Variants in MMP2 observed in about 807,000 individuals in gnomAD.
The protein encoded by MMP2 is 72 kDa type IV collagenase.
In MMP2, 39 loss-of-function variants were observed where a neutral mutation model predicts 74.8. The observed-to-expected ratio is 0.52, with a 90% CI of 0.40 to 0.68. The LOEUF is 0.68. Ranked by LOEUF, MMP2 falls within the 30% of genes least tolerant of loss-of-function variation. MMP2 has a pLI of 0.00. For synonymous variants in MMP2, 367 were observed against 339.8 expected, an observed-to-expected ratio of 1.08 and a Z score of -0.88; for missense variants, 803 against 878.3, an observed-to-expected ratio of 0.91 and a Z score of 1.08.
intron 11 of MMP2, among the ~76,000 whole-genome samples, chr16:55,499,819 G>C (rs1193062328): frequency 6.6e-6 from 1 of 152,168 alleles, no homozygotes; most frequent in Non-Finnish European, 1.5e-5. Flanking sequence ...TGAGGAAAGA[G>C]TGGTCGGGGC....
chr16:55,493,941 A>C (rs1489806247), intron 9 of MMP2, among the ~76,000 whole-genome samples: 2 of 152,160 alleles, frequency 1.3e-5, no homozygotes, highest in Non-Finnish European at 2.9e-5. Context: ...TTGACTAAAG[A>C]CTGAGGTTTA....
intron 11 of MMP2, 44 bp from the exon 12 acceptor site, chr16:55,502,735 C>T (rs757015443): frequency 3.2e-6 from 5 of 1,563,300 alleles, no homozygotes; most frequent in Non-Finnish European, 3.5e-6. Context: ...GGGAAGTGTC[C>T]TTTAGAGAGG....
At chr16:55,504,899 G>T (rs1205825457) in intron 12 of MMP2, among the ~76,000 whole-genome samples, 1 of 151,892 alleles carries the variant, frequency 6.6e-6, no homozygotes, top group Non-Finnish European at 1.5e-5. Context: ...TGATCTGCCC[G>T]TCTCGGCCTC....
Position 55,483,024 on chromosome 16 carries a change from A to G in MMP2, c.269A>G (p.Asp90Gly), listed in dbSNP as rs1178962252. The change falls in exon 2 of 13, where the codon GAC (aspartate) becomes GGC (glycine). Residue 90 changes from aspartate to glycine, a missense_variant. This residue lies in a region of MMP2 where 223 missense variants were observed against 232.8 expected (regional missense o/e 0.96). Transcript: ENST00000219070. ...FFGLPQTGDL[D>G]QNTIETMRKP... ...GGACTGCCCCAGACAGGTGATCTTG[A>G]CCAGAATACCATCGAGACCATGCGG... is the stretch of plus-strand genomic sequence containing the variant. The G allele has an allele frequency of 1.2e-6, 2 of 1,614,202 alleles. No individual in the cohort carries two copies. Among genetic ancestry groups the G allele is most frequent in the Non-Finnish European group, 1.7e-6 (2 of 1,180,034 alleles).
chr16:55,504,210 A>C (rs2142375656), intron 12 of MMP2, among the ~76,000 whole-genome samples: 1 of 152,272 alleles, frequency 6.6e-6, no homozygotes, highest in South Asian at 2.1e-4. Flanking sequence ...TAGATATTCT[A>C]GTTTTTTTAA....
At chr16:55,483,160 C>T in intron 2 of MMP2, 25 bp downstream of exon 2, 1 of 1,591,916 alleles carries the variant, frequency 6.3e-7, no homozygotes, top group Admixed American at 1.7e-5. Context: ...CTTGGGGAGG[C>T]AGGGCCATGG....
intron 1 of MMP2, 54 bp downstream of exon 1, chr16:55,479,686 A>G (rs1962047684): frequency 6.2e-7 from 1 of 1,610,364 alleles, no homozygotes; most frequent in African/African-American, 1.3e-5. Flanking sequence ...TTCGGAGGCA[A>G]AGGATGGGGG....
intron 8 of MMP2, among the ~76,000 whole-genome samples, chr16:55,492,251 C>T (rs749037877): frequency 5.9e-5 from 9 of 152,116 alleles, no homozygotes; most frequent in Non-Finnish European, 1.3e-4. Flanking sequence ...TGCAAGGTTA[C>T]ACAGGTTTGA....
intron 12 of MMP2, among the ~76,000 whole-genome samples, chr16:55,503,168 G>T (rs1171264857): frequency 2.0e-5 from 3 of 152,212 alleles, no homozygotes; most frequent in African/African-American, 7.2e-5. Flanking sequence ...AGGGGAGAAG[G>T]AACATGGGCT....
intron 11 of MMP2, among the ~76,000 whole-genome samples, chr16:55,500,521 A>ACACACACACACACACACG (rs1555493266): frequency 5.1e-4 from 78 of 151,834 alleles, no homozygotes; most frequent in African/African-American, 1.8e-3. Flanking sequence ...ACACACACAC[A>ACACACACACACACACACG]CACACACACA....
At chr16:55,480,638 C>G (rs540337321) in intron 1 of MMP2, 1 of 152,494 alleles carries the variant, frequency 6.6e-6, no homozygotes, top group African/African-American at 2.4e-5. Context: ...AGGGACCCAT[C>G]AAGATGTCCT....
At chr16:55,497,782 C>A (rs1418526049) in intron 10 of MMP2, among the ~76,000 whole-genome samples, 3 of 152,158 alleles carry the variant, frequency 2.0e-5, no homozygotes, top group African/African-American at 7.2e-5. Context: ...GCGATGCTCA[C>A]AAACCACTCA....
At chr16:55,481,192 T>C (rs1224724337) in intron 1 of MMP2, among the ~76,000 whole-genome samples, 1 of 152,200 alleles carries the variant, frequency 6.6e-6, no homozygotes, top group Non-Finnish European at 1.5e-5. Context: ...GGTTATTTCT[T>C]GATTATATGC....
At chr16:55,479,709 T>A in intron 1 of MMP2, 77 bp downstream of exon 1, 1 of 1,577,086 alleles carries the variant, frequency 6.3e-7, no homozygotes, top group Non-Finnish European at 8.7e-7. Flanking sequence ...TCTCTCCCCC[T>A]GCCCTCGGCG....
intron 1 of MMP2, among the ~76,000 whole-genome samples, chr16:55,482,408 C>T (rs1240409077): frequency 6.6e-6 from 1 of 152,116 alleles, no homozygotes; most frequent in Non-Finnish European, 1.5e-5. Context: ...AGTCACCAGC[C>T]GCAAGGTAGA....
At chr16:55,482,344 A>G (rs1286105052) in intron 1 of MMP2, among the ~76,000 whole-genome samples, 1 of 152,200 alleles carries the variant, frequency 6.6e-6, no homozygotes. Flanking sequence ...GCCAGAGCCC[A>G]TGCACATAGT....
In MMP2 at chr16:55,505,352, C is replaced by T. The variant is rs2142377201; in HGVS notation, c.1893C>T (p.Phe631=). 1.2e-6 allele frequency: 2 copies of T among 1,614,062 alleles called. No homozygotes were observed. Among genetic ancestry groups the T allele is most frequent in the Non-Finnish European group, 1.7e-6 (2 of 1,179,954 alleles). The change falls in exon 13 of 13, where the codon TTC becomes TTT. Residue 631 remains phenylalanine, a synonymous_variant. Coordinates refer to ENST00000219070, the MANE Select transcript of MMP2 (RefSeq NM_004530.6). ...TCTCTATCCCAGGTCACAGCTACTT[C>T]TTCAAGGGTGCCTATTACCTGAAGC... The part of the protein sequence containing the change: ...VDLQGGGHSY[F]FKGAYYLKLE...
chr16:55,504,408 G>T (rs1279199359), intron 12 of MMP2, among the ~76,000 whole-genome samples: 1 of 152,120 alleles, frequency 6.6e-6, no homozygotes, highest in Non-Finnish European at 1.5e-5. Context: ...TTTGATGCTT[G>T]TGTTAAGTGG....
At chr16:55,498,164 G>C in intron 10 of MMP2, 125 bp from the exon 11 acceptor site, 1 of 1,245,146 alleles carries the variant, frequency 8.0e-7, no homozygotes, top group South Asian at 1.2e-5. Flanking sequence ...AACCAGGAGT[G>C]AGCAGGAAGT....
Sources: gnomAD v4.1 joint callset for allele counts (sites outside exome capture counted in the v4.1 genomes callset) on GRCh38, gnomAD v4.1.1 for gene constraint, gnomAD v4.1.1 regional missense constraint, MANE v1.5 for transcripts, NCBI Gene and HGNC (gene_info 2026-07-23, HGNC 2026-07-21) for gene names.